The following VWA3A variants were observed in gnomAD, a reference collection of about 807,000 sequenced individuals.
The protein encoded by VWA3A is von Willebrand factor A domain containing 3A.
A neutral mutation model predicts 160.4 loss-of-function variants in VWA3A; 134 were observed. The ratio of observed to expected loss-of-function variants is 0.84; its 90% confidence interval spans 0.73 to 0.96. VWA3A has a LOEUF of 0.96. VWA3A is among the 40% of genes least tolerant of loss of function. VWA3A has a pLI of 0.00. For missense variants in VWA3A, 1,310 were observed against 1,447.9 expected (o/e 0.90, Z 1.55); for synonymous variants, 476 against 543.4 (o/e 0.88, Z 1.72).
Position 22,104,680 on chromosome 16 carries a change from T to TA in VWA3A, c.483+1163dup, listed in dbSNP as rs55770468. Among the ~76,000 whole-genome samples the TA allele has an allele frequency of 2.2e-3, 336 of 149,546 alleles. 1 individual carries two copies. The highest frequency in any genetic ancestry group is 6.6e-3 in the African/African-American group (268 of 40,756). On this transcript the variant is annotated intron_variant, in intron 6 of 33. Coordinates refer to ENST00000389398, the MANE Select transcript of VWA3A (RefSeq NM_173615.5). The stretch of plus-strand genomic sequence containing the variant: ...GGGCAACAGAGCAAGACTTGTCTTT[T>TA]AAAAAAAAAAAATTTTTTTTAATTA...
intron 11 of VWA3A, 56 bp downstream of exon 11, chr16:22,117,232 G>T (rs2045664369): frequency 6.5e-7 from 1 of 1,540,926 alleles, no homozygotes; most frequent in Admixed American, 2.0e-5. Context: ...CTGCCTCCAA[G>T]GTTGTACCCA....
chr16:22,121,210 C>G (rs2045729254), intron 13 of VWA3A, 107 bp downstream of exon 13: 1 of 1,526,500 alleles, frequency 6.6e-7, no homozygotes, highest in Non-Finnish European at 8.9e-7. Context: ...CTTTGGGAGG[C>G]CAAGAAGGAA....
chr16:22,122,907 G>C (rs2045770395), intron 14 of VWA3A, among the ~76,000 whole-genome samples, 178 bp from the exon 15 acceptor site: 1 of 152,110 alleles, frequency 6.6e-6, no homozygotes, highest in South Asian at 2.1e-4. Flanking sequence ...ATGACCTGGT[G>C]GTGGTGGTGG....
rs201231162 is a variant in VWA3A at position 22,118,903 on chromosome 16, A to G, written c.992A>G (p.His331Arg). 1.1e-4 allele frequency: 178 copies of G among 1,613,758 alleles called. No homozygotes were observed. The highest frequency in any genetic ancestry group is 1.4e-4 in the Non-Finnish European group (169 of 1,179,852). ...TCTGATTGCTCTTGCCACCCTCAGC[A>G]CTACACCAGCCGGGACATGGATGAG... ...YYHCYSPKMEHYTSRDMDELL... is the reference protein window; with the variant it reads ...YYHCYSPKMERYTSRDMDELL... Residue 331 changes from histidine (H) to arginine (R), a missense_variant and splice_region_variant, in exon 12 of 34, where the codon CAC becomes CGC. His to Arg is a conservative substitution (Grantham distance 29). Coordinates refer to ENST00000389398, the MANE Select transcript of VWA3A (RefSeq NM_173615.5).
chr16:22,130,507 G>A (rs2045928931), intron 17 of VWA3A, among the ~76,000 whole-genome samples: 3 of 152,132 alleles, frequency 2.0e-5, no homozygotes, highest in African/African-American at 7.2e-5. Context: ...CTAGAGAGGG[G>A]ACAACTTTTC....
Position 22,152,509 on chromosome 16 carries a change from A to G in VWA3A, c.3282-2A>G, listed in dbSNP as rs761964136. The stretch of plus-strand genomic sequence containing the variant: ...CACCAGCCCTCTGTCCCTTCCTTCC[A>G]GAGCGGCGGTTGAGTTCCTGAGAAA... On this transcript the variant is annotated splice_acceptor_variant, in intron 30 of 33. Coordinates refer to ENST00000389398, the MANE Select transcript of VWA3A (RefSeq NM_173615.5). LOFTEE classifies it high-confidence loss of function. 37 of 1,610,042 alleles carry G rather than the reference A, an allele frequency of 2.3e-5. No individual in the cohort carries two copies. The highest frequency in any genetic ancestry group is 3.0e-5 in the Non-Finnish European group (35 of 1,177,358).
rs375564593 is a variant in VWA3A at position 22,136,651 on chromosome 16, C to G, written c.2140-1709C>G. Among the ~76,000 whole-genome samples, 38 of 152,108 alleles carry G rather than the reference C, an allele frequency of 2.5e-4. No individual in the cohort carries two copies. In the East Asian group the frequency reaches 2.7e-3, roughly 11 times the overall value. On this transcript the variant is annotated intron_variant, in intron 21 of 33. Transcript: ENST00000389398. ...AGGGCCACGTCTCCATCTTCTATTC[C>G]TCTGTGGCCACTGGATCTGCAGATC...
chr16:22,130,528 G>C (rs1044793667), intron 17 of VWA3A, among the ~76,000 whole-genome samples: 2 of 152,100 alleles, frequency 1.3e-5, no homozygotes, highest in Admixed American at 1.3e-4. Context: ...CTTCATAAAG[G>C]GTATAAATCC....
At chr16:22,150,586 C>A in intron 29 of VWA3A, 109 bp from the exon 30 acceptor site, 1 of 1,275,746 alleles carries the variant, frequency 7.8e-7, no homozygotes, top group Non-Finnish European at 1.1e-6. Flanking sequence ...GGCATCCAAT[C>A]AGATGCATTT....
chr16:22,121,525 AG>A lies in VWA3A; in HGVS notation c.1265del (p.Ser422IlefsTer34). 1.2e-6 allele frequency: 2 copies of A among 1,613,230 alleles called. No homozygotes were observed. Among genetic ancestry groups the A allele is most frequent in the Non-Finnish European group, 1.7e-6 (2 of 1,179,512 alleles). ...CACTTTTTTTTCAGCCAAGAAATTA[AG>A]TCTATATCAGGTCCTGGCACCCAAT... is the stretch of plus-strand genomic sequence containing the variant. ...KVNGLKAKKL[S>X]LYQVLAPNAF... On this transcript the variant is annotated frameshift_variant, in exon 14 of 34. Coordinates refer to ENST00000389398, the MANE Select transcript of VWA3A (RefSeq NM_173615.5). LOFTEE classifies it high-confidence loss of function.
At chr16:22,135,537 T>C (rs1057140252) in intron 21 of VWA3A, among the ~76,000 whole-genome samples, 7 of 152,160 alleles carry the variant, frequency 4.6e-5, no homozygotes, top group African/African-American at 1.7e-4. Context: ...CCTCATCCCA[T>C]GTCAGCTTCC....
chr16:22,148,401 G>T, intron 28 of VWA3A, 95 bp downstream of exon 28: 3 of 1,439,802 alleles, frequency 2.1e-6, no homozygotes, highest in Non-Finnish European at 9.2e-7. Context: ...AACAGGCCTG[G>T]AGTTTCTGAG....
chr16:22,116,169 GAAAC>G (rs149402972), intron 9 of VWA3A, among the ~76,000 whole-genome samples: 7,515 of 141,486 alleles, frequency 0.053, 596 homozygotes, highest in African/African-American at 0.18. Context: ...AAGAAAGAAA[GAAAC>G]AAAGAATGAA....
chr16:22,103,215 G>A (rs1343466481), intron 5 of VWA3A, among the ~76,000 whole-genome samples: 1 of 151,576 alleles, frequency 6.6e-6, no homozygotes, highest in African/African-American at 2.4e-5. Flanking sequence ...TTTATTTTTT[G>A]TAGAGACAGG....
At chr16:22,107,742 C>G (rs1326084830) in intron 6 of VWA3A, among the ~76,000 whole-genome samples, 1 of 152,066 alleles carries the variant, frequency 6.6e-6, no homozygotes, top group Non-Finnish European at 1.5e-5. Flanking sequence ...AATAAAGACT[C>G]TAATTAGGTA....
Position 22,092,628 on chromosome 16 carries a change from G to A in VWA3A, c.-10G>A. 6.4e-7 allele frequency: 1 copy of A among 1,550,706 alleles called. No individual in the cohort carries two copies. Reference sequence around the variant, plus strand: ...TGCCAGGAGCCCTTCTCCCAAAGATGGAGAAATAAATGAAGAAATACAGGT... The same window carrying A: ...TGCCAGGAGCCCTTCTCCCAAAGATAGAGAAATAAATGAAGAAATACAGGT... On this transcript the variant is annotated 5_prime_UTR_variant, in exon 1 of 34. An upstream start codon of the reference 5' UTR is lost. Transcript: ENST00000389398.
Position 22,155,868 on chromosome 16 carries a change from A to G in VWA3A, c.3521A>G (p.Lys1174Arg), listed in dbSNP as rs780516403. Residue 1174 changes from lysine to arginine, a missense_variant, in exon 33 of 34, where the codon AAA becomes AGA. Coordinates refer to ENST00000389398, the MANE Select transcript of VWA3A (RefSeq NM_173615.5). ...CCCACCAGATCCCAACTCCAGAAGA[A>G]AAATGATGCAGAACCAAAGGTCACT... ...AQSFRSQLQKKNDAEPKVTLS is the reference protein window; with the variant it reads ...AQSFRSQLQKRNDAEPKVTLS 1 of 1,614,010 alleles carries G rather than the reference A, an allele frequency of 6.2e-7. No homozygotes were observed. Among genetic ancestry groups the G allele is most frequent in the South Asian group, 1.1e-5 (1 of 91,084 alleles).
At chr16:22,154,323 C>CTTTTTTTTTTTTTTTTTTTTTTTTTTTT in intron 31 of VWA3A, among the ~76,000 whole-genome samples, 1 of 73,904 alleles carries the variant, frequency 1.4e-5, no homozygotes, top group Non-Finnish European at 2.3e-5. Flanking sequence ...TTTTCTTTTT[C>CTTTTTTTTTTTTTTTTTTTTTTTTTTTT]TTTTTTTTTT....
chr16:22,150,902 A>C, intron 30 of VWA3A, 56 bp downstream of exon 30: 3 of 1,546,618 alleles, frequency 1.9e-6, no homozygotes, highest in African/African-American at 1.4e-5. Flanking sequence ...CACACATCTC[A>C]GCAGGGAGAT....
Sources: allele counts gnomAD v4.1 joint callset (sites outside exome capture counted in the v4.1 genomes callset), GRCh38; gene constraint gnomAD v4.1.1; transcripts MANE v1.5; gene names NCBI Gene and HGNC (gene_info 2026-07-23, HGNC 2026-07-21).